WDR45B: variants seen among roughly 807,000 people sequenced by gnomAD.
The protein encoded by WDR45B is WD repeat domain phosphoinositide-interacting protein 3.
In WDR45B, 20 loss-of-function variants were observed where a neutral mutation model predicts 44.6. The observed-to-expected ratio is 0.45, with a 90% CI of 0.32 to 0.65. The LOEUF (loss-of-function observed/expected upper bound fraction) is 0.65. Ranked by LOEUF, WDR45B falls within the 30% of genes least tolerant of loss-of-function variation. The pLI, the probability that WDR45B is intolerant of heterozygous loss-of-function variation, is 0.05. For synonymous variants in WDR45B, 169 were observed against 164.9 expected (o/e 1.02, Z -0.19); for missense variants, 323 against 430.2 (o/e 0.75, Z 2.20).
intron 4 of WDR45B, chr17:82,625,776 C>T (rs1474627066): frequency 3.5e-5 from 15 of 424,490 alleles, no homozygotes; most frequent in Middle Eastern, 7.2e-4. Flanking sequence ...GGTTCAGAAC[C>T]GAGCAAAACA....
chr17:82,632,677 C>T (rs1009412841), intron 2 of WDR45B, among the ~76,000 whole-genome samples: 1 of 152,094 alleles, frequency 6.6e-6, no homozygotes, highest in Non-Finnish European at 1.5e-5. Flanking sequence ...TCTATCTCTC[C>T]AGTCACAGCT....
chr17:82,634,150 CAAA>C (rs36183298), intron 2 of WDR45B, among the ~76,000 whole-genome samples: 31 of 31,890 alleles, frequency 9.7e-4, no homozygotes, highest in African/African-American at 3.0e-3. Flanking sequence ...GACTCCATCT[CAAA>C]AAAAAAAAAA....
intron 3 of WDR45B, chr17:82,629,840 T>C (rs1360731776): frequency 1.0e-6 from 1 of 985,206 alleles, no homozygotes; most frequent in Non-Finnish European, 1.2e-6. Flanking sequence ...TATTCCTAAG[T>C]ACGTGATATC....
chr17:82,638,549 G>C (rs1038764202), intron 2 of WDR45B, among the ~76,000 whole-genome samples: 2 of 151,716 alleles, frequency 1.3e-5, no homozygotes, highest in African/African-American at 2.4e-5. Flanking sequence ...TGGGGAAAGG[G>C]GATGTCTGAA....
chr17:82,626,839 G>A, intron 4 of WDR45B: 1 of 306,836 alleles, frequency 3.3e-6, no homozygotes, highest in Non-Finnish European at 6.3e-6. Flanking sequence ...TTGAGAGGCA[G>A]CATTTGGCAA....
chr17:82,633,751 ACAC>A (rs1278523587), intron 2 of WDR45B, among the ~76,000 whole-genome samples: 1 of 152,180 alleles, frequency 6.6e-6, no homozygotes, highest in Non-Finnish European at 1.5e-5. Flanking sequence ...CAGCTCACTC[ACAC>A]CTATAATCCC....
Position 82,621,703 on chromosome 17 carries a change from T to C in WDR45B, c.524A>G (p.Glu175Gly). Residue 175 changes from glutamate to glycine, a missense_variant, in exon 6 of 10, where the codon GAG becomes GGG. By Grantham distance (98) the Glu-to-Gly change is moderately conservative. Coordinates refer to ENST00000392325, the MANE Select transcript of WDR45B (RefSeq NM_019613.4). Reference protein sequence around the residue: ...HVQLVDLASTEKPPVDIPAHE... With the variant: ...HVQLVDLASTGKPPVDIPAHE... ...TGCAGGAATGTCCACGGGTGGCTTC[T>C]CCGTGCTGGCCAGGTCCACAAGCTG... 3 of 1,614,184 alleles carry C rather than the reference T, an allele frequency of 1.9e-6. No homozygotes were observed. Among genetic ancestry groups the C allele is most frequent in the Non-Finnish European group, 2.5e-6 (3 of 1,180,028 alleles).
chr17:82,618,352 T>A (rs1741288776), intron 7 of WDR45B, among the ~76,000 whole-genome samples: 1 of 152,220 alleles, frequency 6.6e-6, no homozygotes, highest in African/African-American at 2.4e-5. Context: ...GCTTCAGCAC[T>A]AGACACCCGG....
At chr17:82,621,387 T>G (rs1410866611) in intron 6 of WDR45B, among the ~76,000 whole-genome samples, 1 of 152,190 alleles carries the variant, frequency 6.6e-6, no homozygotes, top group Non-Finnish European at 1.5e-5. Context: ...TACAAGACAC[T>G]GCTTTGTAAA....
At chr17:82,632,891 G>A (rs1205320376) in intron 2 of WDR45B, among the ~76,000 whole-genome samples, 5 of 152,040 alleles carry the variant, frequency 3.3e-5, no homozygotes, top group African/African-American at 4.8e-5. Context: ...AAAATTCGCC[G>A]GCCGCAGTGG....
intron 3 of WDR45B, 113 bp from the exon 4 acceptor site, chr17:82,627,404 G>T: frequency 1.1e-6 from 1 of 884,832 alleles, no homozygotes; most frequent in Non-Finnish European, 1.9e-6. Flanking sequence ...GCACAGCTGC[G>T]CCCACCCTCA....
chr17:82,623,797 G>C (rs993059798), intron 5 of WDR45B, among the ~76,000 whole-genome samples: 1 of 151,728 alleles, frequency 6.6e-6, no homozygotes, highest in African/African-American at 2.4e-5. Context: ...AAAAGATCTC[G>C]AAAGGGAAGA....
chr17:82,636,681 G>C (rs1229324181), intron 2 of WDR45B: 1 of 151,898 alleles, frequency 6.6e-6, no homozygotes, highest in Non-Finnish European at 1.5e-5. Flanking sequence ...CTCTTCAAAG[G>C]GTTTATTTAG....
At chr17:82,623,808 A>G (rs1333585256) in intron 5 of WDR45B, among the ~76,000 whole-genome samples, 1 of 152,164 alleles carries the variant, frequency 6.6e-6, no homozygotes, top group Non-Finnish European at 1.5e-5. Flanking sequence ...AAAGGGAAGA[A>G]CCACAGGGAA....
At chr17:82,631,738 C>T (rs780970146) in intron 2 of WDR45B, among the ~76,000 whole-genome samples, 9 of 151,196 alleles carry the variant, frequency 6.0e-5, no homozygotes, top group Non-Finnish European at 1.0e-4. Context: ...CACACAACAC[C>T]CTAGGAAGCT....
intron 1 of WDR45B, 31 bp from the exon 2 acceptor site, chr17:82,644,054 C>T (rs750139331): frequency 1.9e-5 from 30 of 1,610,160 alleles, no homozygotes; most frequent in Non-Finnish European, 2.4e-5. Context: ...AGACATTAAT[C>T]CCCAGGCCTG....
At chr17:82,648,226 C>T (rs749083232) in intron 1 of WDR45B, 48 bp downstream of exon 1, 52 of 1,576,160 alleles carry the variant, frequency 3.3e-5, no homozygotes, top group Non-Finnish European at 4.2e-5. Flanking sequence ...GGACCCCGGG[C>T]TGCGGGAAGG....
intron 5 of WDR45B, among the ~76,000 whole-genome samples, chr17:82,625,009 T>C (rs1431369104): frequency 6.6e-6 from 1 of 152,170 alleles, no homozygotes; most frequent in East Asian, 1.9e-4. Context: ...GATATGAAGA[T>C]GGTACAATAA....
intron 2 of WDR45B, 80 bp from the exon 3 acceptor site, chr17:82,631,102 G>A: frequency 7.2e-7 from 1 of 1,398,386 alleles, no homozygotes; most frequent in Non-Finnish European, 1.0e-6. Flanking sequence ...AGAAAGTCAA[G>A]ACAGGTAACG....
Sources: gnomAD v4.1 joint callset for allele counts (sites outside exome capture counted in the v4.1 genomes callset) on GRCh38, gnomAD v4.1.1 for gene constraint, MANE v1.5 for transcripts, NCBI Gene and HGNC (gene_info 2026-07-23, HGNC 2026-07-21) for gene names.